Variants in CYP11B1 observed in about 807,000 individuals in gnomAD.
CYP11B1 encodes cytochrome P450 11B1, mitochondrial.
Under a neutral mutation model 48.3 loss-of-function variants are expected in CYP11B1, and 34 were observed. The ratio of observed to expected loss-of-function variants is 0.70; its 90% CI spans 0.54 to 0.94. CYP11B1 has a LOEUF of 0.94. CYP11B1 is among the 40% of genes least tolerant of loss of function. The probability of loss-of-function intolerance (pLI) is 0.00; values close to 1 mark genes in which losing one functional copy is unlikely to be tolerated. For missense variants in CYP11B1, 688 were observed against 657.4 expected (o/e 1.05, Z -0.51); for synonymous variants, 291 against 262.5 (o/e 1.11, Z -1.05).
At chr8:142,875,899 G>A in intron 5 of CYP11B1, 21 bp from the exon 6 acceptor site, 1 of 1,613,974 alleles carries the variant, frequency 6.2e-7, no homozygotes, top group Non-Finnish European at 8.5e-7. Flanking sequence ...CACAGCTGCA[G>A]GGTCAGACCT....
At chr8:142,874,917 A>G in intron 8 of CYP11B1, 40 bp downstream of exon 8, 1 of 1,609,060 alleles carries the variant, frequency 6.2e-7, no homozygotes, top group Non-Finnish European at 8.5e-7. Context: ...CATGCTGCCC[A>G]GACCCCGCCC....
chr8:142,877,559 G>C (rs1270110532), intron 2 of CYP11B1, among the ~76,000 whole-genome samples: 1 of 152,168 alleles, frequency 6.6e-6, no homozygotes, highest in Non-Finnish European at 1.5e-5. Context: ...GGGATTTTCT[G>C]CAAGAAAGGA....
intron 2 of CYP11B1, 57 bp from the exon 3 acceptor site, chr8:142,877,279 C>A (rs528027778): frequency 1.2e-3 from 1,799 of 1,485,428 alleles, no homozygotes; most frequent in Non-Finnish European, 1.5e-3. Flanking sequence ...AGGCCCTGAC[C>A]CGTATCCCAT....
At position 142,877,037 on chromosome 8, in the gene CYP11B1, T is replaced by C. The variant is rs768311599; in HGVS notation, c.581A>G (p.His194Arg). The C allele has an allele frequency of 2.0e-5, 32 of 1,613,454 alleles. No homozygotes were observed. Among genetic ancestry groups the C allele is most frequent in the Non-Finnish European group, 2.5e-5 (30 of 1,179,792 alleles). The change falls in exon 3 of 9, where the codon CAC becomes CGC. Residue 194 changes from histidine to arginine, a missense_variant. By Grantham distance (29) the His-to-Arg change is conservative. Transcript: ENST00000292427. ...LTLDVQPSIFHYTIEASNLAL... is the reference protein window; with the variant it reads ...LTLDVQPSIFRYTIEASNLAL... The stretch of plus-strand genomic sequence containing the variant: ...GTGGCCCACACCTTCTATGGTGTAG[T>C]GGAAGATGCTGGGCTGGACGTCCAG...
At position 142,879,794 on chromosome 8, in the gene CYP11B1, G is replaced by A; in HGVS notation, c.20C>T (p.Ala7Val). Residue 7 changes from alanine to valine, a missense_variant, in exon 1 of 9, where the codon GCA (alanine) becomes GTA (valine). Ala to Val is a moderately conservative substitution (Grantham distance 64, BLOSUM62 0). Coordinates refer to ENST00000292427, the MANE Select transcript of CYP11B1 (RefSeq NM_000497.4). ...CCAGGGCACTGCCATGCACACCTCTGCCTTTGCCCTGAGTGCCATTCCAAT... is the reference window on the plus strand; with the variant it reads ...CCAGGGCACTGCCATGCACACCTCTACCTTTGCCCTGAGTGCCATTCCAAT... MALRAK[A>V]EVCMAVPWLS... The A allele has an allele frequency of 6.2e-7, 1 of 1,613,962 alleles. No homozygotes were observed. Among genetic ancestry groups the A allele is most frequent in the Non-Finnish European group, 8.5e-7 (1 of 1,180,034 alleles).
At chr8:142,874,869 C>T in intron 8 of CYP11B1, 88 bp downstream of exon 8, 3 of 1,519,882 alleles carry the variant, frequency 2.0e-6, no homozygotes, top group Non-Finnish European at 2.7e-6. Context: ...GCCACTCCCA[C>T]TCTGCCGAGG....
rs1816863738 is a variant in CYP11B1, at chr8:142,874,192, T to C, written c.*181A>G. The C allele has an allele frequency of 3.1e-6, 2 of 643,510 alleles. No homozygotes were observed. The highest frequency in any genetic ancestry group is 3.5e-5 in the South Asian group (2 of 57,348). 39.9% of individuals were successfully genotyped at this position (643,510 alleles called of 1,614,324 possible). ...GATCTTCCCCAGCTGTGCCCTGGCATTGCTGCTTAGCCTGGCAAACCCTGG... is the reference window on the plus strand; with the variant it reads ...GATCTTCCCCAGCTGTGCCCTGGCACTGCTGCTTAGCCTGGCAAACCCTGG... On this transcript the variant is annotated 3_prime_UTR_variant, in exon 9 of 9. Transcript: ENST00000292427.
At position 142,877,764 on chromosome 8, in the gene CYP11B1, C is replaced by G. The variant is rs781642847; in HGVS notation, c.396-542G>C. 2.5e-6 allele frequency: 4 copies of G among 1,597,998 alleles called. No homozygotes were observed. The South Asian group carries it at 3.3e-5, about 13-fold the overall frequency. ...GCTTCATGCCATCCTCACCTACAGCCAGAGTGCGTGGGGGCTCCATGGATG... is the reference window on the plus strand; with the variant it reads ...GCTTCATGCCATCCTCACCTACAGCGAGAGTGCGTGGGGGCTCCATGGATG... On this transcript the variant is annotated intron_variant, in intron 2 of 8. Coordinates refer to ENST00000292427, the MANE Select transcript of CYP11B1 (RefSeq NM_000497.4).
At position 142,876,763 on chromosome 8, in the gene CYP11B1, T is replaced by C. The variant is rs774227874; in HGVS notation, c.718A>G (p.Met240Val). ...GTCCAGCGAGACAGGCTCCTGGGCA[T>C]GAACATGAGCTGGACGGTGGATTTG... is the stretch of plus-strand genomic sequence containing the variant. ...MFKSTVQLMFMPRSLSRWTSP... is the reference protein window; with the variant it reads ...MFKSTVQLMFVPRSLSRWTSP... The change falls in exon 4 of 9, where the codon ATG becomes GTG. Residue 240 changes from methionine (M) to valine (V), a missense_variant. Physicochemically the swap from Met to Val is conservative, Grantham distance 21. Transcript: ENST00000292427. The C allele has an allele frequency of 2.5e-6, 4 of 1,613,904 alleles. No homozygotes were observed. The highest frequency in any genetic ancestry group is 1.1e-5 in the South Asian group (1 of 91,026).
At chr8:142,877,301 C>G in intron 2 of CYP11B1, 79 bp from the exon 3 acceptor site, 1 of 1,367,110 alleles carries the variant, frequency 7.3e-7, no homozygotes, top group Non-Finnish European at 1.0e-6. Context: ...CTCCTTGTCC[C>G]CAAGGGGAAT....
chr8:142,875,211 C>T, intron 7 of CYP11B1, 23 bp downstream of exon 7: 2 of 1,614,102 alleles, frequency 1.2e-6, no homozygotes, highest in Admixed American at 1.7e-5. Context: ...GTTCTCAGCT[C>T]GAGGGGTGTG....
intron 1 of CYP11B1, 153 bp downstream of exon 1, chr8:142,879,420 CCA>C (rs1157512629): frequency 6.2e-7 from 1 of 1,613,196 alleles, no homozygotes; most frequent in South Asian, 1.1e-5. Flanking sequence ...CCTGGCAGCG[CCA>C]CAGACCAGCA....
intron 4 of CYP11B1, 118 bp from the exon 5 acceptor site, chr8:142,876,513 C>T (rs1816956142): frequency 1.9e-6 from 3 of 1,542,298 alleles, no homozygotes; most frequent in Non-Finnish European, 2.6e-6. Context: ...CCCAAATTCT[C>T]CGGATCAGCC....
intron 2 of CYP11B1, among the ~76,000 whole-genome samples, chr8:142,878,268 T>C (rs561575622): frequency 6.6e-6 from 1 of 152,178 alleles, no homozygotes; most frequent in African/African-American, 2.4e-5. Flanking sequence ...GCCCCCACCC[T>C]TGAGTGCCCT....
intron 8 of CYP11B1, 142 bp from the exon 9 acceptor site, chr8:142,874,628 C>A: frequency 1.4e-6 from 1 of 734,058 alleles, no homozygotes; most frequent in Non-Finnish European, 2.4e-6. Flanking sequence ...TCCTGACCAG[C>A]CCCACCTTAC....
At position 142,876,229 on chromosome 8, in the gene CYP11B1, T is replaced by G. The variant is rs764253552; in HGVS notation, c.954+12A>C. The stretch of plus-strand genomic sequence containing the variant: ...ATCACCCTCTCTGGGTGGGGCTGGT[T>G]GCCGGCCTGACCGTGTCCACGCTCC... On this transcript the variant is annotated intron_variant, in intron 5 of 8. Coordinates refer to ENST00000292427, the MANE Select transcript of CYP11B1 (RefSeq NM_000497.4). The G allele has an allele frequency of 1.5e-5, 24 of 1,614,140 alleles. No homozygotes were observed. The highest frequency in any genetic ancestry group is 2.0e-5 in the Non-Finnish European group (24 of 1,180,038).
chr8:142,875,142 C>G lies in CYP11B1; in HGVS notation c.1213G>C (p.Val405Leu). The G allele has an allele frequency of 1.2e-6, 2 of 1,614,280 alleles. No homozygotes were observed. Among genetic ancestry groups the G allele is most frequent in the Non-Finnish European group, 1.7e-6 (2 of 1,180,050 alleles). ...TTGCGACCCAGAGAGTAGAGGAACA[C>G]GCGCACCAATGTCTGCGGACGGTGC... ...YHIPAGTLVR[V>L]FLYSLGRNPA... Residue 405 changes from valine (V) to leucine (L), a missense_variant, in exon 8 of 9, where the codon GTG becomes CTG. Val to Leu is a conservative substitution (Grantham distance 32, BLOSUM62 1). Coordinates refer to ENST00000292427, the MANE Select transcript of CYP11B1 (RefSeq NM_000497.4).
Position 142,879,779 on chromosome 8 carries a change from G to C in CYP11B1, c.35C>G (p.Ala12Gly). Residue 12 changes from alanine (A) to glycine (G), a missense_variant, in exon 1 of 9, where the codon GCA becomes GGA. Ala to Gly is a moderately conservative substitution (Grantham distance 60). Coordinates refer to ENST00000292427, the MANE Select transcript of CYP11B1 (RefSeq NM_000497.4). ...ALRAKAEVCM[A>G]VPWLSLQRAQ... is the part of the protein sequence containing the mutation. Reference sequence around the variant, plus strand: ...CCTTTGCAGGGACAGCCAGGGCACTGCCATGCACACCTCTGCCTTTGCCCT... The same window carrying C: ...CCTTTGCAGGGACAGCCAGGGCACTCCCATGCACACCTCTGCCTTTGCCCT... 1 of 1,614,134 alleles carries C rather than the reference G, an allele frequency of 6.2e-7. No individual in the cohort carries two copies. The highest frequency in any genetic ancestry group is 1.3e-5 in the African/African-American group (1 of 75,056).
intron 8 of CYP11B1, among the ~76,000 whole-genome samples, 194 bp downstream of exon 8, chr8:142,874,763 C>A (rs958789234): frequency 1.3e-5 from 2 of 152,174 alleles, no homozygotes; most frequent in African/African-American, 4.8e-5. Flanking sequence ...AGATGGTACG[C>A]TCCTCACCAT....
Sources: allele counts gnomAD v4.1 joint callset (sites outside exome capture counted in the v4.1 genomes callset), GRCh38; gene constraint gnomAD v4.1.1; transcripts MANE v1.5; gene names NCBI Gene and HGNC (gene_info 2026-07-23, HGNC 2026-07-21).